Variants in KCNC2 observed in about 807,000 individuals in gnomAD.
The protein encoded by KCNC2 is voltage-gated potassium channel KCNC2.
Under a neutral mutation model 44.5 loss-of-function variants are expected in KCNC2, and 21 were observed. The observed-to-expected ratio is 0.47, with a 90% confidence interval of 0.33 to 0.68. The LOEUF is 0.68. KCNC2 is among the 30% of genes least tolerant of loss of function. The probability of loss-of-function intolerance (pLI) is 0.01; values close to 1 mark genes in which losing one functional copy is unlikely to be tolerated. For missense variants in KCNC2, 589 were observed against 826.2 expected (o/e 0.71, Z 3.52); for synonymous variants, 391 against 339.1 (o/e 1.15, Z -1.68).
intron 2 of KCNC2, among the ~76,000 whole-genome samples, chr12:75,094,656 C>G (rs926610276): frequency 9.2e-5 from 14 of 151,702 alleles, no homozygotes; most frequent in African/African-American, 3.4e-4. Context: ...ACCTTTCTAA[C>G]AGCAACTTTC....
intron 2 of KCNC2, among the ~76,000 whole-genome samples, chr12:75,178,236 A>G (rs369226173): frequency 1.6e-4 from 24 of 152,150 alleles, no homozygotes; most frequent in Non-Finnish European, 2.9e-4. Flanking sequence ...TGTGCTTAGT[A>G]ATACAATTCC....
intron 2 of KCNC2, among the ~76,000 whole-genome samples, chr12:75,194,171 A>G (rs1415236102): frequency 6.6e-6 from 1 of 152,188 alleles, no homozygotes; most frequent in Non-Finnish European, 1.5e-5. Context: ...CCTCAGAATT[A>G]AATTTTAGCT....
At chr12:75,043,271 T>C (rs200026446) in intron 4 of KCNC2, 30 bp from the exon 5 acceptor site, 244 of 1,610,884 alleles carry the variant, frequency 1.5e-4, no homozygotes, top group South Asian at 4.4e-5. Flanking sequence ...AGACATCAGT[T>C]GAATTCAACC....
chr12:75,191,846 G>A (rs2030313012), intron 2 of KCNC2, among the ~76,000 whole-genome samples: 1 of 152,036 alleles, frequency 6.6e-6, no homozygotes, highest in African/African-American at 2.4e-5. Flanking sequence ...ACCGCGCCCG[G>A]CCTATTATAA....
At chr12:75,190,239 T>C (rs2030063819) in intron 2 of KCNC2, among the ~76,000 whole-genome samples, 1 of 152,214 alleles carries the variant, frequency 6.6e-6, no homozygotes, top group South Asian at 2.1e-4. Context: ...CCTCTTTCAA[T>C]AGCTCCCAGT....
chr12:75,128,382 C>T (rs1888586481), intron 2 of KCNC2, among the ~76,000 whole-genome samples: 1 of 152,068 alleles, frequency 6.6e-6, no homozygotes, highest in Non-Finnish European at 1.5e-5. Flanking sequence ...AATTAGTTAA[C>T]ATACCGAGTC....
chr12:75,087,593 A>G (rs1885130884), intron 2 of KCNC2, among the ~76,000 whole-genome samples: 1 of 152,066 alleles, frequency 6.6e-6, no homozygotes, highest in African/African-American at 2.4e-5. Flanking sequence ...ACCATTTTTT[A>G]TGCTCATGAT....
At chr12:75,077,953 T>A (rs1437031370) in intron 2 of KCNC2, among the ~76,000 whole-genome samples, 1 of 152,148 alleles carries the variant, frequency 6.6e-6, no homozygotes, top group Non-Finnish European at 1.5e-5. Flanking sequence ...TTCTGAGTTC[T>A]ACCAGGAAAT....
At chr12:75,090,195 T>C (rs1885354432) in intron 2 of KCNC2, among the ~76,000 whole-genome samples, 1 of 151,804 alleles carries the variant, frequency 6.6e-6, no homozygotes, top group Non-Finnish European at 1.5e-5. Flanking sequence ...AAATGCTAAA[T>C]GTCTTCCACA....
intron 2 of KCNC2, among the ~76,000 whole-genome samples, chr12:75,173,528 C>T (rs569646343): frequency 3.3e-5 from 5 of 151,792 alleles, no homozygotes; most frequent in Non-Finnish European, 7.4e-5. Flanking sequence ...TTATATTCTT[C>T]ACTAAAGCAC....
intron 2 of KCNC2, among the ~76,000 whole-genome samples, chr12:75,203,009 T>C (rs1409715800): frequency 6.6e-6 from 1 of 151,796 alleles, no homozygotes; most frequent in Non-Finnish European, 1.5e-5. Flanking sequence ...TCAATATTCA[T>C]TGAATAAATG....
intron 2 of KCNC2, among the ~76,000 whole-genome samples, chr12:75,188,204 G>A (rs1052297929): frequency 1.1e-4 from 17 of 152,198 alleles, no homozygotes; most frequent in African/African-American, 3.4e-4. Flanking sequence ...CTTTATTTGA[G>A]CACTAACTGT....
At chr12:75,188,861 C>A (rs1565678565) in intron 2 of KCNC2, among the ~76,000 whole-genome samples, 2 of 142,494 alleles carry the variant, frequency 1.4e-5, no homozygotes, top group African/African-American at 2.6e-5. Context: ...GACTCCATCT[C>A]AATAAATAAA....
At chr12:75,187,303 T>C (rs1346908976) in intron 2 of KCNC2, among the ~76,000 whole-genome samples, 1 of 152,232 alleles carries the variant, frequency 6.6e-6, no homozygotes, top group Admixed American at 6.5e-5. Flanking sequence ...AACACATTTC[T>C]GCTCTAGGAG....
intron 2 of KCNC2, among the ~76,000 whole-genome samples, chr12:75,138,072 C>G (rs528437300): frequency 6.6e-6 from 1 of 152,172 alleles, no homozygotes; most frequent in Admixed American, 6.5e-5. Context: ...GACTGACTCA[C>G]TGACCTGGAC....
intron 2 of KCNC2, among the ~76,000 whole-genome samples, chr12:75,120,488 C>T (rs1043762548): frequency 1.3e-5 from 2 of 152,178 alleles, no homozygotes; most frequent in Non-Finnish European, 2.9e-5. Flanking sequence ...GTTCTTTATA[C>T]TGCTGGAAAA....
intron 4 of KCNC2, among the ~76,000 whole-genome samples, chr12:75,045,899 T>C (rs1464935152): frequency 6.6e-6 from 1 of 151,828 alleles, no homozygotes; most frequent in Non-Finnish European, 1.5e-5. Flanking sequence ...AATTTTTAAA[T>C]ATTAAAATCA....
intron 2 of KCNC2, among the ~76,000 whole-genome samples, chr12:75,100,230 G>A (rs1052986698): frequency 4.0e-5 from 6 of 151,882 alleles, no homozygotes; most frequent in Admixed American, 3.9e-4. Context: ...TGTGTATTTT[G>A]TCCTAAAATG....
chr12:75,201,460 T>G (rs2031271267), intron 2 of KCNC2, among the ~76,000 whole-genome samples: 1 of 151,720 alleles, frequency 6.6e-6, no homozygotes, highest in African/African-American at 2.4e-5. Flanking sequence ...TAGTCCAATG[T>G]GTCATCTCAA....
Sources: allele counts gnomAD v4.1 joint callset (sites outside exome capture counted in the v4.1 genomes callset), GRCh38; gene constraint gnomAD v4.1.1; transcripts MANE v1.5; gene names NCBI Gene and HGNC (gene_info 2026-07-23, HGNC 2026-07-21).